ZDHHC2: variants seen among roughly 807,000 people sequenced by gnomAD.
The protein encoded by ZDHHC2 is palmitoyltransferase ZDHHC2.
In ZDHHC2, 51 loss-of-function variants were observed where a neutral mutation model predicts 55.6. That is an observed-to-expected ratio of 0.92 (90% CI 0.73 to 1.16). The LOEUF (loss-of-function observed/expected upper bound fraction) is 1.16, where lower values mean the gene tolerates loss of function less well. Among genes scored for constraint, ZDHHC2 ranks in the 50% most tolerant of loss-of-function variants. The pLI, the probability that ZDHHC2 is intolerant of heterozygous loss-of-function variation, is 0.00. For synonymous variants in ZDHHC2, 199 were observed against 152.9 expected (o/e 1.30, Z -2.22); for missense variants, 491 against 442.4 (o/e 1.11, Z -0.99).
rs1563161090 is a variant in ZDHHC2, at chr8:17,199,503, TTC to T, written c.476+1092_476+1093del. 2.1e-3 allele frequency among the ~76,000 whole-genome samples: 133 copies of T among 63,238 alleles called. 4 individuals are homozygous for T. Among genetic ancestry groups the T allele is most frequent in the Non-Finnish European group, 4.7e-3 (109 of 23,188 alleles). 41.5% of individuals were successfully genotyped at this position (63,238 alleles called of 152,430 possible). A position where few individuals can be genotyped will look rare whatever the true frequency, so the allele number is the denominator to read the frequency against. ...CTTCTTCTTCTTCTTCTTCTTCTTC[TTC>T]TTCTTCTTCGTCTTCGTCTTCGTCT... On this transcript the variant is annotated intron_variant, in intron 6 of 12. Transcript: ENST00000262096.
At chr8:17,190,153 T>TA (rs1452939487) in intron 3 of ZDHHC2, among the ~76,000 whole-genome samples, 1 of 151,728 alleles carries the variant, frequency 6.6e-6, no homozygotes, top group African/African-American at 2.4e-5. Flanking sequence ...TATTAGCTGA[T>TA]AAAATATATA....
At chr8:17,219,316 G>T (rs367824646) in intron 12 of ZDHHC2, among the ~76,000 whole-genome samples, 2 of 129,376 alleles carry the variant, frequency 1.5e-5, no homozygotes, top group African/African-American at 2.9e-5. Flanking sequence ...TCCTATTTTT[G>T]AACTACAATA....
chr8:17,192,071 C>T (rs544997224), intron 3 of ZDHHC2, among the ~76,000 whole-genome samples: 1 of 152,262 alleles, frequency 6.6e-6, no homozygotes, highest in African/African-American at 2.4e-5. Flanking sequence ...GCAGCTTTGA[C>T]TTCCTGGGTT....
At chr8:17,210,257 G>A in intron 9 of ZDHHC2, 131 bp from the exon 10 acceptor site, 1 of 1,060,000 alleles carries the variant, frequency 9.4e-7, no homozygotes, top group Non-Finnish European at 1.3e-6. Context: ...ACTATGTTGA[G>A]CTCAATGTCT....
At chr8:17,188,057 A>G (rs1022187946) in intron 3 of ZDHHC2, among the ~76,000 whole-genome samples, 8 of 152,244 alleles carry the variant, frequency 5.3e-5, no homozygotes, top group African/African-American at 1.7e-4. Context: ...CAAGCAGATC[A>G]TTTGTGAATA....
At chr8:17,185,803 A>T (rs1209685353) in intron 2 of ZDHHC2, among the ~76,000 whole-genome samples, 2 of 152,242 alleles carry the variant, frequency 1.3e-5, no homozygotes, top group Non-Finnish European at 2.9e-5. Context: ...TAAATAAGAC[A>T]CTTGAACTCC....
At chr8:17,214,264 T>G (rs1043711888) in intron 10 of ZDHHC2, among the ~76,000 whole-genome samples, 1 of 152,206 alleles carries the variant, frequency 6.6e-6, no homozygotes, top group African/African-American at 2.4e-5. Context: ...AAATTCTTCT[T>G]AGAAGACTGC....
At chr8:17,208,118 C>T in intron 8 of ZDHHC2, 26 bp downstream of exon 8, 10 of 1,525,690 alleles carry the variant, frequency 6.6e-6, no homozygotes, top group Non-Finnish European at 8.8e-6. Context: ...TTGTAGTTGA[C>T]AGAACTTTAA....
At chr8:17,218,115 A>G (rs866822675) in intron 12 of ZDHHC2, among the ~76,000 whole-genome samples, 4 of 152,206 alleles carry the variant, frequency 2.6e-5, no homozygotes, top group African/African-American at 4.8e-5. Flanking sequence ...TGACCTGGCA[A>G]TTTGCCAGCT....
chr8:17,166,820 A>T (rs1182580454), intron 1 of ZDHHC2, among the ~76,000 whole-genome samples: 3 of 152,172 alleles, frequency 2.0e-5, no homozygotes, highest in African/African-American at 7.2e-5. Flanking sequence ...AGGACTGAGA[A>T]TTTAACAATG....
chr8:17,199,485 T>TTCG (rs1402834702), intron 6 of ZDHHC2, among the ~76,000 whole-genome samples: 7 of 30,712 alleles, frequency 2.3e-4, no homozygotes, highest in South Asian at 1.6e-3. Flanking sequence ...CTTCTTCTTC[T>TTCG]TCTTCTTCTT....
intron 2 of ZDHHC2, among the ~76,000 whole-genome samples, chr8:17,185,589 G>T (rs1805667798): frequency 6.6e-6 from 1 of 152,076 alleles, no homozygotes; most frequent in Non-Finnish European, 1.5e-5. Flanking sequence ...AGGATTGCTT[G>T]AGCCCCAGGG....
At position 17,156,653 on chromosome 8, in the gene ZDHHC2, G is replaced by GC; in HGVS notation, c.-68dup. The GC allele has an allele frequency of 1.7e-6, 2 of 1,144,300 alleles. No individual in the cohort carries two copies. The highest frequency in any genetic ancestry group is 2.1e-6 in the Non-Finnish European group (2 of 934,004). 70.9% of individuals were successfully genotyped at this position (1,144,300 alleles called of 1,614,324 possible). On this transcript the variant is annotated 5_prime_UTR_variant, in exon 1 of 13. Coordinates refer to ENST00000262096, the MANE Select transcript of ZDHHC2 (RefSeq NM_016353.5). Reference sequence around the variant, plus strand: ...GAGCCCGTCCAGCCAGGGGTGCCGGGCCCGCCCAGCCCGCCCCGGAGCCAG... The same window carrying GC: ...GAGCCCGTCCAGCCAGGGGTGCCGGGCCCCGCCCAGCCCGCCCCGGAGCCAG...
intron 9 of ZDHHC2, 57 bp downstream of exon 9, chr8:17,210,115 A>G (rs1807303465): frequency 2.0e-6 from 3 of 1,528,836 alleles, no homozygotes; most frequent in Non-Finnish European, 2.6e-6. Flanking sequence ...ACAGCAAAAG[A>G]TAGTTTCAGG....
intron 1 of ZDHHC2, among the ~76,000 whole-genome samples, chr8:17,167,671 A>G (rs1804670898): frequency 6.6e-6 from 1 of 152,188 alleles, no homozygotes; most frequent in Non-Finnish European, 1.5e-5. Flanking sequence ...TTAAAATGCT[A>G]TCTGTAATGA....
intron 1 of ZDHHC2, among the ~76,000 whole-genome samples, chr8:17,167,261 A>G (rs926442690): frequency 6.7e-6 from 1 of 150,048 alleles, no homozygotes; most frequent in African/African-American, 2.5e-5. Context: ...CAGTTTGATC[A>G]TCCAGATGTT....
intron 7 of ZDHHC2, among the ~76,000 whole-genome samples, chr8:17,206,296 C>T (rs1201831916): frequency 6.6e-6 from 1 of 152,078 alleles, no homozygotes; most frequent in Non-Finnish European, 1.5e-5. Context: ...GTACTGTTAG[C>T]TATGAGTTCT....
At chr8:17,214,140 A>T (rs1346291824) in intron 10 of ZDHHC2, among the ~76,000 whole-genome samples, 1 of 152,212 alleles carries the variant, frequency 6.6e-6, no homozygotes, top group Non-Finnish European at 1.5e-5. Flanking sequence ...ACATTATAAA[A>T]CATCACTAAT....
rs1011999807 is a variant in ZDHHC2 at position 17,223,763 on chromosome 8, T to G, written c.*3542T>G. 2.0e-5 allele frequency: 3 copies of G among 151,834 alleles called. No homozygotes were observed. Among genetic ancestry groups the G allele is most frequent in the African/African-American group, 7.2e-5 (3 of 41,420 alleles). The allele number at this position is 151,834 out of a possible 1,614,324, so 9.4% of individuals were successfully genotyped here. ...CAATCTGTTCCCCACCAGATTTCCT[T>G]TAGAATTTATTACCAAAGGATCTTA... On this transcript the variant is annotated 3_prime_UTR_variant, in exon 13 of 13. Coordinates refer to ENST00000262096, the MANE Select transcript of ZDHHC2 (RefSeq NM_016353.5).
Sources: allele counts gnomAD v4.1 joint callset (sites outside exome capture counted in the v4.1 genomes callset), GRCh38; gene constraint gnomAD v4.1.1; transcripts MANE v1.5; gene names NCBI Gene and HGNC (gene_info 2026-07-23, HGNC 2026-07-21).